The following BID variants were observed in gnomAD, a reference collection of about 807,000 sequenced individuals.
BID encodes BH3-interacting domain death agonist.
Under a neutral mutation model 17.4 loss-of-function variants are expected in BID, and 19 were observed. The ratio of observed to expected loss-of-function variants is 1.09; its 90% CI spans 0.76 to 1.60. The LOEUF is 1.60. BID is among the 40% of genes most tolerant of loss of function. The pLI is 0.00. For missense variants in BID, 226 were observed against 256.0 expected, an observed-to-expected ratio of 0.88 and a Z score of 0.80; for synonymous variants, 108 against 102.8, an observed-to-expected ratio of 1.05 and a Z score of -0.31.
chr22:17,756,520 C>CTCTT (rs1305404043), intron 1 of BID, among the ~76,000 whole-genome samples: 7 of 138,068 alleles, frequency 5.1e-5, no homozygotes, highest in African/African-American at 1.8e-4. Context: ...GTCTGTCTCT[C>CTCTT]TCTTTCTTTC....
intron 2 of BID, among the ~76,000 whole-genome samples, chr22:17,744,491 C>T (rs1240995523): frequency 6.6e-6 from 1 of 152,220 alleles, no homozygotes; most frequent in African/African-American, 2.4e-5. Context: ...TTCACGGGCT[C>T]AGGAGGGTAT....
At chr22:17,756,572 CT>C (rs1342348335) in intron 1 of BID, among the ~76,000 whole-genome samples, 5 of 142,250 alleles carry the variant, frequency 3.5e-5, no homozygotes, top group Non-Finnish European at 6.2e-5. Flanking sequence ...CCTTTCCTTT[CT>C]TTCTTTTTTT....
chr22:17,736,809 ATTT>A (rs537354233), intron 5 of BID, among the ~76,000 whole-genome samples: 3 of 142,434 alleles, frequency 2.1e-5, no homozygotes, highest in African/African-American at 7.8e-5. Flanking sequence ...TGCTCAGCTA[ATTT>A]TTTTTTTTTT....
intron 3 of BID, among the ~76,000 whole-genome samples, chr22:17,743,284 C>T (rs1013714960): frequency 6.6e-6 from 1 of 152,232 alleles, no homozygotes; most frequent in Non-Finnish European, 1.5e-5. Flanking sequence ...CTTGGGGAGG[C>T]AGGGGCCGCA....
At chr22:17,757,575 G>T (rs1487238021) in intron 1 of BID, among the ~76,000 whole-genome samples, 2 of 151,870 alleles carry the variant, frequency 1.3e-5, no homozygotes, top group African/African-American at 4.8e-5. Flanking sequence ...CGGGCGTGGT[G>T]GCGGGCGCCT....
At chr22:17,770,732 G>A (rs2145925157) in intron 1 of BID, among the ~76,000 whole-genome samples, 1 of 152,348 alleles carries the variant, frequency 6.6e-6, no homozygotes, top group East Asian at 1.9e-4. Context: ...TGTCCCACCA[G>A]GCCACGGCAC....
chr22:17,764,487 A>G (rs1404066203), intron 1 of BID, among the ~76,000 whole-genome samples: 1 of 152,234 alleles, frequency 6.6e-6, no homozygotes, highest in Non-Finnish European at 1.5e-5. Flanking sequence ...AAAAAGGTCA[A>G]GGTTAGGTTA....
At chr22:17,750,073 A>T (rs756165668) in intron 2 of BID, 32 bp downstream of exon 2, 1 of 1,607,832 alleles carries the variant, frequency 6.2e-7, no homozygotes, top group East Asian at 2.2e-5. Flanking sequence ...CCCGCCCCCC[A>T]CAAGGCACCC....
In BID at chr22:17,750,096, G is replaced by A; in HGVS notation, c.12+9C>T. The A allele has an allele frequency of 1.9e-6, 3 of 1,612,418 alleles. No homozygotes were observed. Among genetic ancestry groups the A allele is most frequent in the Non-Finnish European group, 2.5e-6 (3 of 1,179,698 alleles). On this transcript the variant is annotated intron_variant, in intron 2 of 5. Transcript: ENST00000622694. ...CCACAAGGCACCCGCAGGGGATCTG[G>A]CCTCTGACCTCACAGTCCATGGCCT... is the stretch of plus-strand genomic sequence containing the variant.
intron 1 of BID, among the ~76,000 whole-genome samples, chr22:17,755,051 C>A (rs571399331): frequency 6.6e-6 from 1 of 151,320 alleles, no homozygotes; most frequent in African/African-American, 2.4e-5. Flanking sequence ...CGTGAGCCAC[C>A]GTGCCTGGCC....
At chr22:17,762,873 CTGTT>C (rs58512492) in intron 1 of BID, among the ~76,000 whole-genome samples, 150 of 151,002 alleles carry the variant, frequency 9.9e-4, no homozygotes, top group African/African-American at 3.1e-3. Context: ...AAAACAAAAC[CTGTT>C]TGTTTGTTTG....
At chr22:17,751,900 A>C (rs1402841137) in intron 1 of BID, among the ~76,000 whole-genome samples, 3 of 152,142 alleles carry the variant, frequency 2.0e-5, no homozygotes, top group African/African-American at 7.2e-5. Flanking sequence ...ACAAGAGACA[A>C]AGCGCAAGAC....
intron 1 of BID, among the ~76,000 whole-genome samples, chr22:17,770,719 GC>G (rs1473143490): frequency 6.6e-6 from 1 of 152,244 alleles, no homozygotes; most frequent in Non-Finnish European, 1.5e-5. Context: ...TCCAAGCCCA[GC>G]CTGTCCCACC....
At chr22:17,756,929 A>G (rs1346199918) in intron 1 of BID, among the ~76,000 whole-genome samples, 1 of 150,422 alleles carries the variant, frequency 6.6e-6, no homozygotes, top group African/African-American at 2.4e-5. Flanking sequence ...TGACCATTAC[A>G]TGGTGCAGTG....
intron 2 of BID, among the ~76,000 whole-genome samples, chr22:17,746,469 C>G (rs1257517067): frequency 6.6e-6 from 1 of 152,214 alleles, no homozygotes; most frequent in Non-Finnish European, 1.5e-5. Flanking sequence ...TTGTACGGAG[C>G]AGCCGCATGG....
chr22:17,756,451 C>A (rs1445123245), intron 1 of BID, among the ~76,000 whole-genome samples: 1 of 123,306 alleles, frequency 8.1e-6, no homozygotes, highest in African/African-American at 3.8e-5. Context: ...TTCTTTCTTT[C>A]TTTCTTTCTT....
At position 17,750,793 on chromosome 22, in the gene BID, A is replaced by T. The variant is rs1198815360; in HGVS notation, c.-58-619T>A. Among the ~76,000 whole-genome samples, 3 of 152,274 alleles carry T rather than the reference A, an allele frequency of 2.0e-5. No individual in the cohort carries two copies. In the East Asian group the frequency reaches 5.8e-4, roughly 30 times the overall value. On this transcript the variant is annotated intron_variant, in intron 1 of 5. Coordinates refer to ENST00000622694, the MANE Select transcript of BID (RefSeq NM_001196.4). The stretch of plus-strand genomic sequence containing the variant: ...CAGTAAGCCGAGATCACGCCACTGC[A>T]CTCCAGCCTGGGCGACAGAGCGAGA...
At chr22:17,771,433 C>T (rs62238876) in intron 1 of BID, among the ~76,000 whole-genome samples, 2 of 152,026 alleles carry the variant, frequency 1.3e-5, no homozygotes, top group East Asian at 3.9e-4. Context: ...TTCCCACCCC[C>T]ACCCTGGCCA....
chr22:17,739,960 T>C, intron 3 of BID: 2 of 1,053,940 alleles, frequency 1.9e-6, no homozygotes, highest in Non-Finnish European at 2.8e-6. Flanking sequence ...AAAACCCCAG[T>C]TGTCACTGGC....
Sources: allele counts gnomAD v4.1 joint callset (sites outside exome capture counted in the v4.1 genomes callset), GRCh38; gene constraint gnomAD v4.1.1; transcripts MANE v1.5; gene names NCBI Gene and HGNC (gene_info 2026-07-23, HGNC 2026-07-21).